Variants in MSH4 observed in about 807,000 individuals in gnomAD.
MSH4 encodes the protein mutS protein homolog 4.
MSH4 carries 106 observed loss-of-function variants against 113.7 expected under a neutral mutation model. The observed-to-expected ratio is 0.93, with a 90% CI of 0.80 to 1.10. MSH4 has a LOEUF of 1.10. Ranked by LOEUF, MSH4 falls within the 50% of genes least tolerant of loss-of-function variation. MSH4 has a pLI of 0.00. For synonymous variants in MSH4, 368 were observed against 380.2 expected (o/e 0.97, Z 0.37); for missense variants, 1,061 against 1,093.7 (o/e 0.97, Z 0.42).
chr1:75,894,991 A>G (rs1268036649), intron 17 of MSH4, among the ~76,000 whole-genome samples: 1 of 152,114 alleles, frequency 6.6e-6, no homozygotes, highest in Admixed American at 6.6e-5. Context: ...GGCATCACTC[A>G]CCATTACCCC....
intron 8 of MSH4, among the ~76,000 whole-genome samples, chr1:75,858,738 G>C (rs867141705): frequency 1.3e-5 from 2 of 151,972 alleles, no homozygotes; most frequent in South Asian, 4.2e-4. Context: ...TTTTTTTCTT[G>C]TGTCTCTGCC....
intron 9 of MSH4, among the ~76,000 whole-genome samples, chr1:75,869,285 C>G (rs555359582): frequency 1.5e-4 from 23 of 152,092 alleles, no homozygotes; most frequent in Admixed American, 2.6e-4. Flanking sequence ...GAAGAAATTC[C>G]TAAGCAGTGA....
At chr1:75,831,440 C>T (rs11587571) in intron 7 of MSH4, among the ~76,000 whole-genome samples, 31,355 of 151,892 alleles carry the variant, frequency 0.21, 3,742 homozygotes, top group African/African-American at 0.3. Flanking sequence ...GTGGACCTAA[C>T]AGACATCTAC....
chr1:75,893,468 T>C (rs1221191611), intron 17 of MSH4, among the ~76,000 whole-genome samples: 1 of 151,936 alleles, frequency 6.6e-6, no homozygotes, highest in African/African-American at 2.4e-5. Context: ...CCTGGGGACA[T>C]TTAGGCCCTA....
At chr1:75,852,588 A>G (rs373406397) in intron 8 of MSH4, among the ~76,000 whole-genome samples, 3 of 152,232 alleles carry the variant, frequency 2.0e-5, no homozygotes, top group African/African-American at 7.2e-5. Context: ...CGGGTGTCTC[A>G]TGGTTTTGGT....
Position 75,881,288 on chromosome 1 carries a change from T to C in MSH4, c.1824T>C (p.His608=), listed in dbSNP as rs750967280. The C allele has an allele frequency of 5.0e-6, 8 of 1,608,712 alleles. No homozygotes were observed. The South Asian group carries it at 8.8e-5, about 18-fold the overall frequency. Residue 608 remains histidine, a synonymous_variant, in exon 14 of 20, where the codon CAT becomes CAC. Transcript: ENST00000263187. ...KLLSEIYEHI[H]CLYKLSDTVS... ...TTAGTGAGATTTATGAACATATTCA[T>C]TGCTTATATAAACTATCTGACACTG...
chr1:75,853,413 C>T (rs1651237416), intron 8 of MSH4, among the ~76,000 whole-genome samples: 1 of 152,088 alleles, frequency 6.6e-6, no homozygotes, highest in Non-Finnish European at 1.5e-5. Flanking sequence ...GGCAGAAATA[C>T]CACAGAAGTG....
chr1:75,897,976 AAC>A lies in MSH4; in HGVS notation c.2427_2428del (p.Met810AlafsTer3). ...TGATGCCCTGTATCCTAATGTAGAA[AAC>A]ATGCATTTTGAAGTTCAACATGTAA... ...HIDALYPNVE[N>X]MHFEVQHVKN... On this transcript the variant is annotated frameshift_variant, in exon 18 of 20. Transcript: ENST00000263187. LOFTEE classifies it high-confidence loss of function. 2.5e-6 allele frequency: 4 copies of A among 1,607,242 alleles called. No individual in the cohort carries two copies. Among genetic ancestry groups the A allele is most frequent in the Non-Finnish European group, 3.4e-6 (4 of 1,176,338 alleles).
chr1:75,897,953 A>G lies in MSH4; in HGVS notation c.2402A>G (p.Asp801Gly). The G allele has an allele frequency of 6.3e-7, 1 of 1,597,984 alleles. No homozygotes were observed. The highest frequency in any genetic ancestry group is 1.1e-5 in the South Asian group (1 of 87,110). Residue 801 changes from aspartate to glycine, a missense_variant, in exon 18 of 20, where the codon GAT becomes GGT. By Grantham distance (94) the Asp-to-Gly change is moderately conservative. Transcript: ENST00000263187. ...ATHFLELCHI[D>G]ALYPNVENMH... Reference sequence around the variant, plus strand: ...CATTTCCTGGAACTATGCCATATTGATGCCCTGTATCCTAATGTAGAAAAC... The same window carrying G: ...CATTTCCTGGAACTATGCCATATTGGTGCCCTGTATCCTAATGTAGAAAAC...
At chr1:75,856,368 C>T (rs1027879121) in intron 8 of MSH4, among the ~76,000 whole-genome samples, 1 of 151,964 alleles carries the variant, frequency 6.6e-6, no homozygotes, top group Non-Finnish European at 1.5e-5. Flanking sequence ...ATACACGTGC[C>T]ATGGTGGTTT....
At chr1:75,823,348 G>T (rs2100521639) in intron 7 of MSH4, among the ~76,000 whole-genome samples, 1 of 152,262 alleles carries the variant, frequency 6.6e-6, no homozygotes, top group South Asian at 2.1e-4. Context: ...TATCATTTGG[G>T]GGTCACAATT....
chr1:75,797,029 C>T lies in MSH4; in HGVS notation c.44C>T (p.Ala15Val), dbSNP rs759176463. ...EISSTSPSAPAVSPSSGETRS... is the reference protein window; with the variant it reads ...EISSTSPSAPVVSPSSGETRS... ...TCATCAACCTCGCCTTCTGCCCCGG[C>T]GGTTTCCCCGTCGTCGGGAGAAACC... Residue 15 changes from alanine to valine, a missense_variant, in exon 1 of 20, where the codon GCG becomes GTG. Transcript: ENST00000263187. 1.6e-5 allele frequency: 26 copies of T among 1,613,998 alleles called. No homozygotes were observed. The highest frequency in any genetic ancestry group is 2.2e-5 in the South Asian group (2 of 91,092).
chr1:75,860,900 A>C (rs1446081156), intron 8 of MSH4, among the ~76,000 whole-genome samples: 1 of 152,212 alleles, frequency 6.6e-6, no homozygotes, highest in Non-Finnish European at 1.5e-5. Context: ...CAGGTACACC[A>C]ATCAAATGTA....
intron 8 of MSH4, among the ~76,000 whole-genome samples, chr1:75,853,497 G>C (rs1397767655): frequency 6.6e-6 from 1 of 152,038 alleles, no homozygotes; most frequent in Non-Finnish European, 1.5e-5. Context: ...TGATAAGTTT[G>C]TATACTTGGT....
intron 17 of MSH4, among the ~76,000 whole-genome samples, chr1:75,892,363 G>A (rs930128076): frequency 2.1e-5 from 3 of 141,938 alleles, no homozygotes; most frequent in African/African-American, 5.4e-5. Flanking sequence ...CTCTTCACAC[G>A]CACACACATA....
rs5745448 is a variant in MSH4 at position 75,879,020 on chromosome 1, T to C, written c.1569T>C (p.Tyr523=). The C allele has an allele frequency of 0.34, 544,972 of 1,606,528 alleles. 99,996 individuals are homozygous for C. The highest frequency in any genetic ancestry group is 0.66 in the East Asian group (29,455 of 44,716). The part of the protein sequence containing the change: ...AGMISQLGEK[Y]SLPLRTSFSS... ...TGATATCACAACTTGGAGAAAAATA[T>C]AGTCTACCTTTAAGGACAAGTTTTA... Residue 523 remains tyrosine, a synonymous_variant, in exon 12 of 20, where the codon TAT becomes TAC. Transcript: ENST00000263187.
At chr1:75,867,209 G>T (rs931276873) in intron 8 of MSH4, among the ~76,000 whole-genome samples, 3 of 152,120 alleles carry the variant, frequency 2.0e-5, no homozygotes, top group Non-Finnish European at 4.4e-5. Context: ...TCTTGGTGCT[G>T]CTCAGGATTG....
intron 7 of MSH4, among the ~76,000 whole-genome samples, chr1:75,836,628 G>A (rs1441144639): frequency 6.6e-6 from 1 of 152,086 alleles, no homozygotes; most frequent in Non-Finnish European, 1.5e-5. Context: ...TAATGGACAC[G>A]TTAGTTCTCT....
At chr1:75,874,011 T>C (rs967479212) in intron 9 of MSH4, among the ~76,000 whole-genome samples, 7 of 152,196 alleles carry the variant, frequency 4.6e-5, no homozygotes, top group Non-Finnish European at 1.0e-4. Context: ...CTTTCCACAA[T>C]GGTTGAGCTA....
Sources: gnomAD v4.1 joint callset for allele counts (sites outside exome capture counted in the v4.1 genomes callset) on GRCh38, gnomAD v4.1.1 for gene constraint, MANE v1.5 for transcripts, NCBI Gene and HGNC (gene_info 2026-07-23, HGNC 2026-07-21) for gene names.